Variants in RAB23 observed in about 807,000 individuals in gnomAD.
The protein encoded by RAB23 is RAB23, member RAS oncogene family, also known as ras-related protein Rab-23.
Under a neutral mutation model 30.0 loss-of-function variants are expected in RAB23, and 15 were observed. The ratio of observed to expected loss-of-function variants is 0.50; its 90% CI spans 0.33 to 0.77. The LOEUF (loss-of-function observed/expected upper bound fraction) is 0.77, where lower values mean the gene tolerates loss of function less well. Ranked by LOEUF, RAB23 falls within the 30% of genes least tolerant of loss-of-function variation. RAB23 has a pLI of 0.02. For missense variants in RAB23, 243 were observed against 275.4 expected (o/e 0.88, Z 0.83); for synonymous variants, 93 against 94.0 (o/e 0.99, Z 0.06).
intron 1 of RAB23, chr6:57,221,380 A>G (rs1417243611): frequency 6.6e-6 from 1 of 152,308 alleles, no homozygotes; most frequent in Non-Finnish European, 1.5e-5. Context: ...ATCTCCGAGT[A>G]AAGTTAATTC....
intron 1 of RAB23, among the ~76,000 whole-genome samples, chr6:57,216,985 G>T (rs1217420866): frequency 6.6e-6 from 1 of 152,214 alleles, no homozygotes; most frequent in East Asian, 1.9e-4. Context: ...ATCCTGTTTT[G>T]TCAGTGGGGA....
intron 3 of RAB23, among the ~76,000 whole-genome samples, chr6:57,206,597 G>C (rs1289673666): frequency 6.6e-6 from 1 of 152,050 alleles, no homozygotes; most frequent in Non-Finnish European, 1.5e-5. Flanking sequence ...CTCATGACCT[G>C]GACTTTCAAG....
At chr6:57,195,394 T>C (rs1283456163) in intron 4 of RAB23, among the ~76,000 whole-genome samples, 3 of 152,208 alleles carry the variant, frequency 2.0e-5, no homozygotes, top group Non-Finnish European at 4.4e-5. Flanking sequence ...GGATTCCTGG[T>C]TGTGGACTCC....
intron 3 of RAB23, among the ~76,000 whole-genome samples, chr6:57,202,604 C>A (rs995081528): frequency 1.3e-5 from 2 of 152,120 alleles, no homozygotes; most frequent in African/African-American, 2.4e-5. Flanking sequence ...GGTACCGGTA[C>A]CACACAGGGA....
chr6:57,195,695 TA>T (rs1027915502), intron 4 of RAB23, among the ~76,000 whole-genome samples: 3 of 152,208 alleles, frequency 2.0e-5, no homozygotes, highest in African/African-American at 7.2e-5. Context: ...GCCAAGTGAA[TA>T]AGCCATCATA....
intron 3 of RAB23, among the ~76,000 whole-genome samples, chr6:57,201,398 A>G (rs2128000278): frequency 6.6e-6 from 1 of 152,272 alleles, no homozygotes; most frequent in Middle Eastern, 3.4e-3. Context: ...CTCAGGTGAG[A>G]GGTGACCTCC....
intron 3 of RAB23, among the ~76,000 whole-genome samples, chr6:57,198,877 C>T (rs981161039): frequency 6.6e-6 from 1 of 151,872 alleles, no homozygotes; most frequent in South Asian, 2.1e-4. Flanking sequence ...CAGATAATGC[C>T]AGAGATACGG....
At chr6:57,209,321 T>A (rs1040071218) in intron 2 of RAB23, among the ~76,000 whole-genome samples, 2 of 152,188 alleles carry the variant, frequency 1.3e-5, no homozygotes. Context: ...GTGGGTGAAT[T>A]TGCATATGCA....
rs1242575628 is a variant in RAB23, at chr6:57,222,209, G to A, written c.-549C>T. ...TTTAAACGAACTTTATTAGTAGCCA[G>A]GGCTCAGATTGAGTGGCTCAGCAGC... On this transcript the variant is annotated 5_prime_UTR_variant, in exon 1 of 7. Transcript: ENST00000468148. The A allele has an allele frequency of 6.6e-6, 1 of 152,360 alleles. No homozygotes were observed. The highest frequency in any genetic ancestry group is 2.1e-4 in the South Asian group (1 of 4,842). 9.4% of individuals were successfully genotyped at this position (152,360 alleles called of 1,614,324 possible).
chr6:57,205,845 A>C (rs1765438840), intron 3 of RAB23, among the ~76,000 whole-genome samples: 1 of 152,232 alleles, frequency 6.6e-6, no homozygotes, highest in African/African-American at 2.4e-5. Flanking sequence ...TGGTAGTGGG[A>C]AGGATAAAAT....
At chr6:57,217,224 A>C (rs971849789) in intron 1 of RAB23, among the ~76,000 whole-genome samples, 12 of 152,178 alleles carry the variant, frequency 7.9e-5, no homozygotes, top group Admixed American at 2.0e-4. Context: ...AAAAAAAAAA[A>C]AAAACAAAAT....
At position 57,190,138 on chromosome 6, in the gene RAB23, A is replaced by G. The variant is rs1252056963; in HGVS notation, c.*323T>C. ...CCACAGTATTAAAATCTGTAACAAT[A>G]TATTTAGGCATTTCATTTATGTTTT... is the stretch of plus-strand genomic sequence containing the variant. On this transcript the variant is annotated 3_prime_UTR_variant, in exon 7 of 7. Transcript: ENST00000468148. 16 of 297,782 alleles carry G rather than the reference A, an allele frequency of 5.4e-5. No homozygotes were observed. In the East Asian group the frequency reaches 1.3e-3, roughly 24 times the overall value. 18.4% of individuals were successfully genotyped at this position (297,782 alleles called of 1,614,324 possible). A position where few individuals can be genotyped will look rare whatever the true frequency, so the allele number is the denominator to read the frequency against.
intron 4 of RAB23, among the ~76,000 whole-genome samples, chr6:57,196,085 T>G (rs530095318): frequency 6.6e-6 from 1 of 152,136 alleles, no homozygotes; most frequent in Non-Finnish European, 1.5e-5. Context: ...CAACATAGGA[T>G]AGTTACTTAT....
Position 57,190,074 on chromosome 6 carries a change from C to G in RAB23, c.*387G>C. The G allele has an allele frequency of 4.4e-6, 1 of 227,120 alleles. No homozygotes were observed. The allele number at this position is 227,120 out of a possible 1,614,324, so 14.1% of individuals were successfully genotyped here. A position where few individuals can be genotyped will look rare whatever the true frequency, so the allele number is the denominator to read the frequency against. The stretch of plus-strand genomic sequence containing the variant: ...ACTATTTCGCAGAAAAGCTACATGA[C>G]CAATTTCAGGAAAAGAATGCTTGCT... On this transcript the variant is annotated 3_prime_UTR_variant, in exon 7 of 7. Coordinates refer to ENST00000468148, the MANE Select transcript of RAB23 (RefSeq NM_016277.5).
In RAB23 at chr6:57,190,057, G is replaced by T; in HGVS notation, c.*404C>A. The stretch of plus-strand genomic sequence containing the variant: ...AAGTATTCAGATTCAATACTATTTC[G>T]CAGAAAAGCTACATGACCAATTTCA... On this transcript the variant is annotated 3_prime_UTR_variant, in exon 7 of 7. Coordinates refer to ENST00000468148, the MANE Select transcript of RAB23 (RefSeq NM_016277.5). 4.5e-6 allele frequency: 1 copy of T among 222,922 alleles called. No homozygotes were observed. Among genetic ancestry groups the T allele is most frequent in the Non-Finnish European group, 9.0e-6 (1 of 110,956 alleles). The allele number at this position is 222,922 out of a possible 1,614,324, so 13.8% of individuals were successfully genotyped here. A position where few individuals can be genotyped will look rare whatever the true frequency, so the allele number is the denominator to read the frequency against.
chr6:57,211,037 C>A lies in RAB23; in HGVS notation c.-65-592G>T, dbSNP rs566320231. Among the ~76,000 whole-genome samples, 6 of 152,260 alleles carry A rather than the reference C, an allele frequency of 3.9e-5. No homozygotes were observed. In the South Asian group the frequency reaches 1.2e-3, roughly 32 times the overall value. ...AAAGCAGTCAAAACTTTGTTTCATG[C>A]ACAAAAATACTAAAAGTACTGTATA... On this transcript the variant is annotated intron_variant, in intron 1 of 6. Transcript: ENST00000468148.
rs1014722136 is a variant in RAB23 at position 57,188,380 on chromosome 6, G to C, written c.*2081C>G. 37 of 151,930 alleles carry C rather than the reference G, an allele frequency of 2.4e-4. No homozygotes were observed. Among genetic ancestry groups the C allele is most frequent in the African/African-American group, 8.9e-4 (37 of 41,384 alleles). The allele number at this position is 151,930 out of a possible 1,614,324, so 9.4% of individuals were successfully genotyped here. A position where few individuals can be genotyped will look rare whatever the true frequency, so the allele number is the denominator to read the frequency against. On this transcript the variant is annotated 3_prime_UTR_variant, in exon 7 of 7. Transcript: ENST00000468148. Reference sequence around the variant, plus strand: ...TCTTATTTAAAAAAAGATAAAACTAGGTACATAAAATTATATTACAGGAAC... The same window carrying C: ...TCTTATTTAAAAAAAGATAAAACTACGTACATAAAATTATATTACAGGAAC...
chr6:57,198,573 C>T (rs2127999308), intron 3 of RAB23, among the ~76,000 whole-genome samples: 1 of 152,026 alleles, frequency 6.6e-6, no homozygotes, highest in African/African-American at 2.4e-5. Flanking sequence ...CCCAGCTACT[C>T]AGGTGACTGA....
At chr6:57,204,909 A>C (rs1300175361) in intron 3 of RAB23, among the ~76,000 whole-genome samples, 1 of 151,972 alleles carries the variant, frequency 6.6e-6, no homozygotes, top group Non-Finnish European at 1.5e-5. Context: ...TAGTTCAGAG[A>C]GCAAATACCT....
Sources: allele counts gnomAD v4.1 joint callset (sites outside exome capture counted in the v4.1 genomes callset), GRCh38; gene constraint gnomAD v4.1.1; transcripts MANE v1.5; gene names NCBI Gene and HGNC (gene_info 2026-07-23, HGNC 2026-07-21).